PHYH: variants seen among roughly 807,000 people sequenced by gnomAD.
PHYH encodes phytanoyl-CoA 2-hydroxylase.
PHYH carries 32 observed loss-of-function variants against 38.5 expected under a neutral mutation model. The observed-to-expected ratio is 0.83, with a 90% CI of 0.63 to 1.12. The LOEUF (loss-of-function observed/expected upper bound fraction) is 1.12, where lower values mean the gene tolerates loss of function less well. PHYH is among the 50% of genes most tolerant of loss of function. The probability of loss-of-function intolerance (pLI) is 0.00; values close to 1 mark genes in which losing one functional copy is unlikely to be tolerated. For missense variants in PHYH, 426 were observed against 434.8 expected (o/e 0.98, Z 0.18); for synonymous variants, 166 against 157.9 (o/e 1.05, Z -0.38).
chr10:13,288,304 G>A (rs1230145530), intron 6 of PHYH, 56 bp downstream of exon 6: 1 of 1,496,658 alleles, frequency 6.7e-7, no homozygotes, highest in African/African-American at 1.4e-5. Context: ...GTACTGATGT[G>A]AAACAGAAAC....
At chr10:13,288,838 G>A (rs1835626926) in intron 5 of PHYH, among the ~76,000 whole-genome samples, 1 of 150,770 alleles carries the variant, frequency 6.6e-6, no homozygotes, top group African/African-American at 2.4e-5. Flanking sequence ...TGAGCCTGGA[G>A]GTCGAGGCTG....
chr10:13,294,842 G>GTAA, intron 3 of PHYH: 2 of 514,550 alleles, frequency 3.9e-6, no homozygotes, highest in Non-Finnish European at 7.0e-6. Flanking sequence ...TGGTTACATT[G>GTAA]TAATAATAAT....
chr10:13,294,744 G>A, intron 3 of PHYH, 148 bp from the exon 4 acceptor site: 1 of 690,482 alleles, frequency 1.4e-6, no homozygotes, highest in East Asian at 2.7e-5. Flanking sequence ...TCCAATGAAA[G>A]GGAGGAGAAA....
At chr10:13,284,912 C>A (rs1835508802) in intron 6 of PHYH, among the ~76,000 whole-genome samples, 1 of 152,050 alleles carries the variant, frequency 6.6e-6, no homozygotes, top group South Asian at 2.1e-4. Flanking sequence ...CTCTCCTGGC[C>A]AGGGTGAATG....
At chr10:13,288,711 C>G (rs371215390) in intron 5 of PHYH, among the ~76,000 whole-genome samples, 170 bp from the exon 6 acceptor site, 1 of 151,830 alleles carries the variant, frequency 6.6e-6, no homozygotes, top group Non-Finnish European at 1.5e-5. Flanking sequence ...AGTGAGACTC[C>G]GTTTCTACAG....
chr10:13,287,513 A>C (rs1041495677), intron 6 of PHYH, among the ~76,000 whole-genome samples: 33 of 152,084 alleles, frequency 2.2e-4, no homozygotes, highest in Non-Finnish European at 4.4e-5. Context: ...GCTGCTCCCC[A>C]AAATACACCC....
intron 4 of PHYH, 76 bp from the exon 5 acceptor site, chr10:13,291,988 A>T: frequency 1.1e-6 from 1 of 951,772 alleles, no homozygotes; most frequent in Non-Finnish European, 1.7e-6. Context: ...AAAGTACAGT[A>T]GCTATCCACA....
intron 6 of PHYH, among the ~76,000 whole-genome samples, chr10:13,287,017 G>T (rs1295718271): frequency 1.3e-5 from 2 of 152,100 alleles, no homozygotes; most frequent in East Asian, 3.9e-4. Flanking sequence ...CAATGAAACT[G>T]TTTATTTGTT....
intron 7 of PHYH, 60 bp from the exon 8 acceptor site, chr10:13,281,170 G>C: frequency 6.5e-7 from 1 of 1,544,958 alleles, no homozygotes; most frequent in Non-Finnish European, 8.9e-7. Context: ...CAGTGACCAA[G>C]CAGGGAGTCT....
chr10:13,278,427 A>C, intron 8 of PHYH, 73 bp from the exon 9 acceptor site: 1 of 981,082 alleles, frequency 1.0e-6, no homozygotes, highest in Non-Finnish European at 1.7e-6. Context: ...CAATTTCACC[A>C]TAACACAAAA....
Position 13,284,244 on chromosome 10 carries a change from G to A in PHYH, c.679-405C>T, listed in dbSNP as rs564586140. Among the ~76,000 whole-genome samples, 41 of 152,210 alleles carry A rather than the reference G, an allele frequency of 2.7e-4. No homozygotes were observed. The South Asian group carries it at 2.9e-3, about 11-fold the overall frequency. ...AGGCTGAGGTGGGAGGATCGATTGA[G>A]CCGGGAGGGGGAGGTTCCAGTGAGC... is the stretch of plus-strand genomic sequence containing the variant. On this transcript the variant is annotated intron_variant, in intron 6 of 8. Coordinates refer to ENST00000263038, the MANE Select transcript of PHYH (RefSeq NM_006214.4).
intron 5 of PHYH, among the ~76,000 whole-genome samples, chr10:13,290,650 C>A (rs184039463): frequency 6.6e-6 from 1 of 152,102 alleles, no homozygotes; most frequent in East Asian, 1.9e-4. Context: ...ATCCTCCCCC[C>A]GCAGCCTCCT....
intron 1 of PHYH, among the ~76,000 whole-genome samples, chr10:13,298,733 T>TACC (rs1467797102): frequency 2.2e-5 from 2 of 91,672 alleles, no homozygotes; most frequent in East Asian, 3.7e-4. Flanking sequence ...CTACTACTAC[T>TACC]ACTACTACTA....
intron 7 of PHYH, among the ~76,000 whole-genome samples, chr10:13,281,486 A>G (rs1003172720): frequency 7.9e-5 from 12 of 152,006 alleles, no homozygotes; most frequent in Middle Eastern, 3.4e-3. Context: ...AGTTTATCTC[A>G]TAAGTTAGTT....
chr10:13,278,333 G>A lies in PHYH; in HGVS notation c.985C>T (p.Arg329Ter), dbSNP rs769348267. ...TTGGTTCTTTCTCCTTTCACAAGTC[G>A]AGCTCGAAACATCCAAATATCCTGG... ...NLKDIWMFRA[R>*]LVKGERTNL is the part of the protein sequence containing the mutation. Residue 329 changes from arginine (R) to a stop codon, truncating the protein, a stop_gained, in exon 9 of 9, where the codon CGA (arginine) becomes TGA (stop). Transcript: ENST00000263038. LOFTEE classifies it high-confidence loss of function. The A allele has an allele frequency of 8.7e-6, 14 of 1,612,066 alleles. No homozygotes were observed. Among genetic ancestry groups the A allele is most frequent in the Middle Eastern group, 1.6e-4 (1 of 6,070 alleles).
chr10:13,291,973 G>T, intron 4 of PHYH, 61 bp from the exon 5 acceptor site: 1 of 1,139,342 alleles, frequency 8.8e-7, no homozygotes, highest in Non-Finnish European at 1.3e-6. Context: ...ATTGACAACT[G>T]GTACAAAGTA....
At chr10:13,279,933 G>T (rs989542377) in intron 8 of PHYH, among the ~76,000 whole-genome samples, 1 of 152,132 alleles carries the variant, frequency 6.6e-6, no homozygotes, top group African/African-American at 2.4e-5. Flanking sequence ...TCAGAGATGC[G>T]ACACATTTCC....
intron 1 of PHYH, chr10:13,299,632 C>G: frequency 2.7e-6 from 3 of 1,131,004 alleles, no homozygotes; most frequent in Non-Finnish European, 3.3e-6. Context: ...TTGGACATCT[C>G]TGGGTCTCTG....
At chr10:13,298,715 CACCACTACTACTACTACT>C (rs1210490865) in intron 1 of PHYH, among the ~76,000 whole-genome samples, 3 of 115,366 alleles carry the variant, frequency 2.6e-5, no homozygotes, top group Non-Finnish European at 3.6e-5. Context: ...AAAAAACTAC[CACCACTACTACTACTACT>C]ACTACTACTA....
Sources: gnomAD v4.1 joint callset for allele counts (sites outside exome capture counted in the v4.1 genomes callset) on GRCh38, gnomAD v4.1.1 for gene constraint, MANE v1.5 for transcripts, NCBI Gene and HGNC (gene_info 2026-07-23, HGNC 2026-07-21) for gene names.